Variants in ROBO2 observed in about 807,000 individuals in gnomAD.
ROBO2 encodes the protein roundabout homolog 2.
A neutral mutation model predicts 160.8 loss-of-function variants in ROBO2; 53 were observed. That is an observed-to-expected ratio of 0.33 (90% CI 0.26 to 0.41). The LOEUF is 0.41. ROBO2 is among the 10% of genes least tolerant of loss of function. ROBO2 has a pLI of 1.00. For missense variants in ROBO2, 1,577 were observed against 1,722.4 expected, an observed-to-expected ratio of 0.92 and a Z score of 1.49; for synonymous variants, 664 against 611.7, an observed-to-expected ratio of 1.09 and a Z score of -1.26.
intron 2 of ROBO2, among the ~76,000 whole-genome samples, chr3:76,896,078 A>G (rs1022949365): frequency 1.3e-5 from 2 of 152,164 alleles, no homozygotes; most frequent in Non-Finnish European, 2.9e-5. Context: ...CATATTTGAG[A>G]GTTCAGTGTC....
chr3:77,089,562 T>C (rs542118016), intron 1 of ROBO2, among the ~76,000 whole-genome samples: 2 of 152,326 alleles, frequency 1.3e-5, no homozygotes, highest in South Asian at 4.1e-4. Context: ...TTTCTAGGTC[T>C]CAATTTTGAT....
chr3:77,186,714 T>G (rs1022167188), intron 2 of ROBO2, among the ~76,000 whole-genome samples: 1 of 151,974 alleles, frequency 6.6e-6, no homozygotes, highest in African/African-American at 2.4e-5. Flanking sequence ...CTGAGATTTT[T>G]TTTTGAGAGT....
At chr3:76,158,694 C>A (rs1336630949) in intron 2 of ROBO2, among the ~76,000 whole-genome samples, 3 of 152,052 alleles carry the variant, frequency 2.0e-5, no homozygotes, top group Non-Finnish European at 4.4e-5. Flanking sequence ...AGAAGTAGCC[C>A]TGCATTGTCC....
chr3:77,617,532 T>G lies in ROBO2; in HGVS notation c.3313T>G (p.Cys1105Gly), dbSNP rs573389218. 5.6e-6 allele frequency: 9 copies of G among 1,614,202 alleles called. No individual in the cohort carries two copies. The South Asian group carries it at 6.6e-5, about 12-fold the overall frequency. Residue 1105 changes from cysteine to glycine, a missense_variant, in exon 22 of 26, where the codon TGC becomes GGC. This residue lies in a region of ROBO2 where 637 missense variants were observed against 586.9 expected (regional missense o/e 1.09). Transcript: ENST00000461745. ...TTTCAGCTATGACAGTGATAGCTGG[T>G]GCCCACCATTGCCAGTACAAACTTA... is the stretch of plus-strand genomic sequence containing the variant.
chr3:77,026,679 T>A (rs1246614663), intron 2 of ROBO2, among the ~76,000 whole-genome samples: 1 of 152,140 alleles, frequency 6.6e-6, no homozygotes, highest in Non-Finnish European at 1.5e-5. Context: ...GCTTTAGAAG[T>A]CACTATTTCA....
At chr3:77,500,498 G>C (rs1429040565) in intron 5 of ROBO2, among the ~76,000 whole-genome samples, 1 of 152,070 alleles carries the variant, frequency 6.6e-6, no homozygotes, top group Non-Finnish European at 1.5e-5. Context: ...TAGATAATTG[G>C]TTAGAAATAC....
At chr3:76,977,362 G>T (rs961336258) in intron 2 of ROBO2, among the ~76,000 whole-genome samples, 2 of 152,168 alleles carry the variant, frequency 1.3e-5, no homozygotes, top group Admixed American at 1.3e-4. Flanking sequence ...CAGTGAGAGG[G>T]TGAATGGTCA....
intron 2 of ROBO2, among the ~76,000 whole-genome samples, chr3:76,023,443 G>A (rs2066635285): frequency 6.6e-6 from 1 of 151,486 alleles, no homozygotes; most frequent in Admixed American, 6.6e-5. Flanking sequence ...GCCATTGTAG[G>A]GTTATTAATT....
At chr3:76,781,277 C>T (rs1241022079) in intron 2 of ROBO2, among the ~76,000 whole-genome samples, 5 of 150,588 alleles carry the variant, frequency 3.3e-5, no homozygotes, top group African/African-American at 1.2e-4. Context: ...CCCAAAACTT[C>T]ACAAAATTGA....
rs1243825543 is a variant in ROBO2 at position 77,638,685 on chromosome 3, C to A, written c.3934+3642C>A. ...ATTGCTGAGTCCAAATCTTGTATTC[C>A]ATTTGTCTTATAAATCAAAGAATAC... On this transcript the variant is annotated intron_variant, in intron 24 of 25. Coordinates refer to ENST00000461745, the Ensembl canonical transcript of ROBO2. Among the ~76,000 whole-genome samples the A allele has an allele frequency of 3.9e-5, 6 of 152,022 alleles. No individual in the cohort carries two copies. In the East Asian group the frequency reaches 9.6e-4, roughly 24 times the overall value.
intron 2 of ROBO2, among the ~76,000 whole-genome samples, chr3:76,770,590 C>A (rs568206954): frequency 6.6e-6 from 1 of 151,166 alleles, no homozygotes; most frequent in Non-Finnish European, 1.5e-5. Flanking sequence ...CACCCTTACA[C>A]CCAACATACA....
At chr3:77,571,152 G>A (rs1282005379) in intron 13 of ROBO2, among the ~76,000 whole-genome samples, 1 of 151,968 alleles carries the variant, frequency 6.6e-6, no homozygotes. Context: ...CACAGAGATT[G>A]AAAAGAGTGC....
chr3:76,627,272 A>G (rs2089712747), intron 2 of ROBO2, among the ~76,000 whole-genome samples: 1 of 152,164 alleles, frequency 6.6e-6, no homozygotes, highest in South Asian at 2.1e-4. Flanking sequence ...CACCCTCTAC[A>G]TTGGAGCTTC....
chr3:76,735,786 A>AGTGG (rs1553886640), intron 2 of ROBO2, among the ~76,000 whole-genome samples: 14 of 126,612 alleles, frequency 1.1e-4, no homozygotes, highest in South Asian at 5.1e-4. Flanking sequence ...GAAAAAAAAA[A>AGTGG]GGGGAAAGGG....
At chr3:76,562,439 A>ATCTCTCTC (rs10598282) in intron 2 of ROBO2, among the ~76,000 whole-genome samples, 3 of 147,226 alleles carry the variant, frequency 2.0e-5, no homozygotes, top group Non-Finnish European at 3.0e-5. Context: ...TATAAGATTG[A>ATCTCTCTC]TCTCTCTCTC....
chr3:77,559,620 T>A lies in ROBO2; in HGVS notation c.1437+1471T>A, dbSNP rs181701238. ...CTGGAGCTAAAAAGAAAGGCAAAAA[T>A]TTTTAACTACACATATTTCCAAATG... On this transcript the variant is annotated intron_variant, in intron 9 of 25. Transcript: ENST00000461745. Among the ~76,000 whole-genome samples, 196 of 152,132 alleles carry A rather than the reference T, an allele frequency of 1.3e-3. 3 individuals are homozygous for A. The highest frequency in any genetic ancestry group is 0.013 in the Admixed American group (193 of 15,264).
At chr3:77,431,476 G>A (rs1294104385) in intron 2 of ROBO2, among the ~76,000 whole-genome samples, 1 of 152,156 alleles carries the variant, frequency 6.6e-6, no homozygotes, top group Non-Finnish European at 1.5e-5. Context: ...TTCAAAAATA[G>A]ATATAAATAA....
At chr3:76,689,732 A>C (rs1471727187) in intron 2 of ROBO2, among the ~76,000 whole-genome samples, 3 of 152,194 alleles carry the variant, frequency 2.0e-5, no homozygotes, top group Non-Finnish European at 2.9e-5. Context: ...GTAGTTCTGC[A>C]TAGGCATTTC....
intron 2 of ROBO2, among the ~76,000 whole-genome samples, chr3:76,243,268 G>T (rs1255458688): frequency 1.3e-5 from 2 of 151,704 alleles, no homozygotes; most frequent in Non-Finnish European, 3.0e-5. Flanking sequence ...CTTGAGCACT[G>T]CCGGTCCTTC....
Sources: gnomAD v4.1 joint callset for allele counts (sites outside exome capture counted in the v4.1 genomes callset) on GRCh38, gnomAD v4.1.1 for gene constraint, gnomAD v4.1.1 regional missense constraint, MANE v1.5 for transcripts, NCBI Gene and HGNC (gene_info 2026-07-23, HGNC 2026-07-21) for gene names.